The following CENPW variants were observed in gnomAD, a reference collection of about 807,000 sequenced individuals.
CENPW encodes cancer-up-regulated gene 2 protein.
Under a neutral mutation model 11.1 loss-of-function variants are expected in CENPW, and 3 were observed. The ratio of observed to expected loss-of-function variants is 0.27; its 90% CI spans 0.12 to 0.70. CENPW has a LOEUF of 0.70. Among genes scored for constraint, CENPW ranks in the 30% least tolerant of loss-of-function variants. CENPW has a pLI of 0.77. For missense variants in CENPW, 100 were observed against 105.6 expected (o/e 0.95, Z 0.23); for synonymous variants, 38 against 42.0 (o/e 0.91, Z 0.37).
the CENPW span, among the ~76,000 whole-genome samples, chr6:126,480,551 G>A: frequency 2.6e-4 from 39 of 151,994 alleles, no homozygotes; most frequent in Non-Finnish European, 4.4e-4. Flanking sequence ...TTTTAGAATC[G>A]TAATATATTT....
the CENPW span, among the ~76,000 whole-genome samples, chr6:126,395,041 G>T: frequency 1.3e-5 from 2 of 151,844 alleles, no homozygotes; most frequent in African/African-American, 4.8e-5. Flanking sequence ...TCATTTTGGT[G>T]TTCTATAACC....
rs1437402884 is a variant in CENPW at position 126,346,201 on chromosome 6, A to G, written c.127-4A>G. 1 of 1,538,878 alleles carries G rather than the reference A, an allele frequency of 6.5e-7. No individual in the cohort carries two copies. Among genetic ancestry groups the G allele is most frequent in the South Asian group, 1.2e-5 (1 of 81,018 alleles). ...AAAATCCACTTGGATTTTCTGTTTT[A>G]AAGGTCCATCTGAACTGTTTACTGT... On this transcript the variant is annotated splice_polypyrimidine_tract_variant and splice_region_variant and intron_variant, in intron 1 of 2. Coordinates refer to ENST00000368328, the MANE Select transcript of CENPW (RefSeq NM_001012507.4).
the CENPW span, among the ~76,000 whole-genome samples, chr6:126,411,487 G>A: frequency 6.6e-6 from 1 of 152,122 alleles, no homozygotes; most frequent in African/African-American, 2.4e-5. Flanking sequence ...TGGGGTGGGG[G>A]TCCTAAACTT....
chr6:126,456,319 G>C, the CENPW span, among the ~76,000 whole-genome samples: 1 of 151,674 alleles, frequency 6.6e-6, no homozygotes, highest in South Asian at 2.1e-4. Flanking sequence ...CAAGGCTACA[G>C]TAACCAAAAA....
At chr6:126,371,347 A>G in the CENPW span, among the ~76,000 whole-genome samples, 2 of 152,080 alleles carry the variant, frequency 1.3e-5, no homozygotes, top group Non-Finnish European at 2.9e-5. Flanking sequence ...TGATATAATA[A>G]TATGGTTTTT....
the CENPW span, among the ~76,000 whole-genome samples, chr6:126,375,244 T>A: frequency 6.6e-6 from 1 of 152,224 alleles, no homozygotes; most frequent in African/African-American, 2.4e-5. Context: ...TCAGCCTTGC[T>A]GTAGCATGCT....
At chr6:126,364,032 C>G in the CENPW span, among the ~76,000 whole-genome samples, 438 of 152,232 alleles carry the variant, frequency 2.9e-3, 3 homozygotes, top group Middle Eastern at 0.048. Context: ...AGTTAATTGT[C>G]TTGCTCACAC....
At chr6:126,381,356 G>A in the CENPW span, among the ~76,000 whole-genome samples, 2 of 152,032 alleles carry the variant, frequency 1.3e-5, no homozygotes, top group African/African-American at 4.8e-5. Context: ...CATTTCTTTA[G>A]AGATCTAGTT....
At chr6:126,407,774 G>A in the CENPW span, among the ~76,000 whole-genome samples, 1 of 152,020 alleles carries the variant, frequency 6.6e-6, no homozygotes, top group Non-Finnish European at 1.5e-5. Flanking sequence ...TTTTTAATGA[G>A]GGTGTTTGTT....
At chr6:126,433,149 A>G in the CENPW span, among the ~76,000 whole-genome samples, 1 of 152,212 alleles carries the variant, frequency 6.6e-6, no homozygotes, top group Non-Finnish European at 1.5e-5. Context: ...AAGATTATGC[A>G]TGACACATTT....
chr6:126,477,410 T>C, the CENPW span, among the ~76,000 whole-genome samples: 1 of 152,010 alleles, frequency 6.6e-6, no homozygotes, highest in African/African-American at 2.4e-5. Flanking sequence ...TTTTAATGCT[T>C]TAATTTTAGC....
At chr6:126,461,836 G>A in the CENPW span, among the ~76,000 whole-genome samples, 24 of 151,870 alleles carry the variant, frequency 1.6e-4, no homozygotes, top group Middle Eastern at 3.4e-3. Flanking sequence ...TAATATATAC[G>A]TTTTCTCAAT....
the CENPW span, among the ~76,000 whole-genome samples, chr6:126,386,715 C>T: frequency 4.9e-3 from 743 of 152,048 alleles, 3 homozygotes; most frequent in Non-Finnish European, 8.5e-3. Context: ...TATTCCCCCT[C>T]CACTGCCCTA....
the CENPW span, among the ~76,000 whole-genome samples, chr6:126,402,371 T>C: frequency 1.3e-5 from 2 of 151,786 alleles, no homozygotes; most frequent in African/African-American, 4.8e-5. Flanking sequence ...CTTCCTTCCA[T>C]CACAGATTTA....
At chr6:126,459,838 C>A in the CENPW span, among the ~76,000 whole-genome samples, 1 of 151,324 alleles carries the variant, frequency 6.6e-6, no homozygotes, top group Non-Finnish European at 1.5e-5. Context: ...TCTTGTAATT[C>A]GGGGACAAAC....
At chr6:126,361,723 G>C in the CENPW span, among the ~76,000 whole-genome samples, 1 of 151,080 alleles carries the variant, frequency 6.6e-6, no homozygotes, top group Non-Finnish European at 1.5e-5. Flanking sequence ...TTCTTTTGTT[G>C]AGTGTTCCAG....
chr6:126,458,079 T>A, the CENPW span, among the ~76,000 whole-genome samples: 1 of 151,376 alleles, frequency 6.6e-6, no homozygotes, highest in Non-Finnish European at 1.5e-5. Context: ...CTATTGAGCT[T>A]ACACTTTCTG....
the CENPW span, among the ~76,000 whole-genome samples, chr6:126,363,718 G>C: frequency 3.3e-5 from 5 of 152,170 alleles, no homozygotes; most frequent in Admixed American, 1.3e-4. Context: ...AAGGAATCTA[G>C]AGTAGTGCTA....
At chr6:126,418,794 AGC>A in the CENPW span, among the ~76,000 whole-genome samples, 11 of 151,904 alleles carry the variant, frequency 7.2e-5, no homozygotes, top group Admixed American at 3.3e-4. Flanking sequence ...ACATGGGTGA[AGC>A]TGGAAACCAT....
Sources: allele counts gnomAD v4.1 joint callset (sites outside exome capture counted in the v4.1 genomes callset), GRCh38; gene constraint gnomAD v4.1.1; transcripts MANE v1.5; gene names NCBI Gene and HGNC (gene_info 2026-07-23, HGNC 2026-07-21).